UNC5C: variants seen among roughly 807,000 people sequenced by gnomAD.
The protein encoded by UNC5C is netrin receptor UNC5C.
In UNC5C, 47 loss-of-function variants were observed where a neutral mutation model predicts 99.8. The observed-to-expected ratio is 0.47, with a 90% CI of 0.37 to 0.60. The LOEUF (loss-of-function observed/expected upper bound fraction) is 0.60, where lower values mean the gene tolerates loss of function less well. UNC5C is among the 20% of genes least tolerant of loss of function. UNC5C has a pLI of 0.00. For missense variants in UNC5C, 1,062 were observed against 1,165.9 expected, an observed-to-expected ratio of 0.91 and a Z score of 1.30; for synonymous variants, 487 against 452.2, an observed-to-expected ratio of 1.08 and a Z score of -0.98.
At chr4:95,178,444 T>TTTTA (rs1169665502) in intron 14 of UNC5C, among the ~76,000 whole-genome samples, 2 of 117,396 alleles carry the variant, frequency 1.7e-5, no homozygotes, top group Non-Finnish European at 3.5e-5. Context: ...GGTTACTGCC[T>TTTTA]TTTATTTCTC....
rs1736376145 is a variant in UNC5C, at chr4:95,176,886, T to G, written c.2451+6011A>C. On this transcript the variant is annotated intron_variant, in intron 14 of 15. Coordinates refer to ENST00000453304, the MANE Select transcript of UNC5C (RefSeq NM_003728.4). ...TGATCTCAGACTGCTGTGCTAGCAA[T>G]CAGCGAGACTCTGTGGGCGTAGGAC... 4.6e-5 allele frequency among the ~76,000 whole-genome samples: 7 copies of G among 152,210 alleles called. No individual in the cohort carries two copies. The South Asian group carries it at 1.4e-3, about 31-fold the overall frequency.
chr4:95,284,573 AAG>A (rs1741168289), intron 3 of UNC5C, among the ~76,000 whole-genome samples: 1 of 152,192 alleles, frequency 6.6e-6, no homozygotes, highest in African/African-American at 2.4e-5. Flanking sequence ...AGGTGTGAGT[AAG>A]AGTTAGAAAC....
chr4:95,320,680 A>T (rs1742656238), intron 2 of UNC5C, among the ~76,000 whole-genome samples: 1 of 152,178 alleles, frequency 6.6e-6, no homozygotes, highest in Non-Finnish European at 1.5e-5. Context: ...TGTTATCTGG[A>T]TGAAGAACGG....
At chr4:95,267,022 T>C (rs1740472474) in intron 4 of UNC5C, among the ~76,000 whole-genome samples, 1 of 152,202 alleles carries the variant, frequency 6.6e-6, no homozygotes, top group African/African-American at 2.4e-5. Context: ...TTAGAGTGTA[T>C]ATAATGGGAC....
intron 1 of UNC5C, among the ~76,000 whole-genome samples, chr4:95,460,084 G>A (rs1477129893): frequency 6.6e-6 from 1 of 151,868 alleles, no homozygotes; most frequent in African/African-American, 2.4e-5. Context: ...GAAGAAAACA[G>A]CACTTTTAAA....
Position 95,244,994 on chromosome 4 carries a change from C to A in UNC5C, c.926G>T (p.Cys309Phe), listed in dbSNP as rs1263096561. Residue 309 changes from cysteine to phenylalanine, a missense_variant, in exon 6 of 16, where the codon TGT becomes TTT. Transcript: ENST00000453304. ...TTATTTACCTGGGCATAACGTAGTA[C>A]AGGCTATTTTCTGCACACTCTGCCC... ...CEGQSVQKIA[C>F]TTLCPVDGRW... The A allele has an allele frequency of 6.2e-7, 1 of 1,613,870 alleles. No homozygotes were observed. Among genetic ancestry groups the A allele is most frequent in the South Asian group, 1.1e-5 (1 of 91,024 alleles).
At chr4:95,264,693 C>G (rs559353813) in intron 4 of UNC5C, among the ~76,000 whole-genome samples, 6 of 152,248 alleles carry the variant, frequency 3.9e-5, no homozygotes, top group African/African-American at 1.2e-4. Flanking sequence ...TGCTCATTCA[C>G]TCTTCCATTT....
chr4:95,191,656 T>C (rs1737100274), intron 12 of UNC5C, among the ~76,000 whole-genome samples: 1 of 147,784 alleles, frequency 6.8e-6, no homozygotes, highest in Non-Finnish European at 1.5e-5. Context: ...GCTCCTCTGT[T>C]CGCCGCCTCC....
chr4:95,470,249 CA>C (rs1747925591), intron 1 of UNC5C, among the ~76,000 whole-genome samples: 1 of 151,968 alleles, frequency 6.6e-6, no homozygotes, highest in Non-Finnish European at 1.5e-5. Flanking sequence ...CAATGTTTTC[CA>C]AATTGCTACA....
intron 1 of UNC5C, among the ~76,000 whole-genome samples, chr4:95,520,315 A>G (rs1036305265): frequency 1.5e-4 from 23 of 152,208 alleles, no homozygotes; most frequent in Admixed American, 7.9e-4. Flanking sequence ...TTCAAATATA[A>G]GTCAAGAGTA....
At chr4:95,413,167 C>G (rs919104004) in intron 1 of UNC5C, among the ~76,000 whole-genome samples, 1 of 152,174 alleles carries the variant, frequency 6.6e-6, no homozygotes, top group African/African-American at 2.4e-5. Context: ...TCCTGATTTA[C>G]AGCTTTCCTT....
chr4:95,448,457 G>A (rs978883457), intron 1 of UNC5C, among the ~76,000 whole-genome samples: 1 of 152,078 alleles, frequency 6.6e-6, no homozygotes, highest in African/African-American at 2.4e-5. Context: ...TGGGATTATT[G>A]TGAGGATCAA....
chr4:95,260,056 T>C (rs1176212171), intron 4 of UNC5C, among the ~76,000 whole-genome samples: 1 of 152,104 alleles, frequency 6.6e-6, no homozygotes, highest in Non-Finnish European at 1.5e-5. Flanking sequence ...CCTACCACCC[T>C]GAAAGTACAC....
intron 2 of UNC5C, among the ~76,000 whole-genome samples, chr4:95,309,895 A>T (rs1215236130): frequency 2.0e-5 from 3 of 152,338 alleles, no homozygotes; most frequent in South Asian, 4.1e-4. Flanking sequence ...ACAAAACAGA[A>T]ATAAAACTAC....
intron 1 of UNC5C, among the ~76,000 whole-genome samples, chr4:95,452,429 C>T (rs1747303746): frequency 6.6e-6 from 1 of 152,094 alleles, no homozygotes; most frequent in Non-Finnish European, 1.5e-5. Flanking sequence ...CAGTCTTTCT[C>T]CACCCCAGAC....
rs929901199 is a variant in UNC5C, at chr4:95,203,824, A to C, written c.1903-860T>G. On this transcript the variant is annotated intron_variant, in intron 11 of 15. Transcript: ENST00000453304. ...CATATTGTGTGTGTGTGTGTATGTG[A>C]AAGCAGGATTTTGCTGCAAAAAGGT... is the stretch of plus-strand genomic sequence containing the variant. Among the ~76,000 whole-genome samples the C allele has an allele frequency of 2.4e-4, 36 of 152,294 alleles. 1 individual carries two copies. Among genetic ancestry groups the C allele is most frequent in the Admixed American group, 1.8e-3 (28 of 15,294 alleles).
At chr4:95,253,091 A>G (rs1337413625) in intron 4 of UNC5C, among the ~76,000 whole-genome samples, 1 of 152,118 alleles carries the variant, frequency 6.6e-6, no homozygotes, top group Non-Finnish European at 1.5e-5. Flanking sequence ...TATAAGGAAC[A>G]TTCAACCTGT....
At chr4:95,438,135 T>C (rs548303495) in intron 1 of UNC5C, among the ~76,000 whole-genome samples, 2 of 152,152 alleles carry the variant, frequency 1.3e-5, no homozygotes, top group East Asian at 1.9e-4. Context: ...AACTAAAAAT[T>C]TGTTGTTTGC....
At chr4:95,507,679 T>C (rs1005312063) in intron 1 of UNC5C, among the ~76,000 whole-genome samples, 1 of 152,022 alleles carries the variant, frequency 6.6e-6, no homozygotes, top group African/African-American at 2.4e-5. Context: ...TCCAAGTCTC[T>C]ATGTATAGCC....
Sources: gnomAD v4.1 joint callset for allele counts (sites outside exome capture counted in the v4.1 genomes callset) on GRCh38, gnomAD v4.1.1 for gene constraint, MANE v1.5 for transcripts, NCBI Gene and HGNC (gene_info 2026-07-23, HGNC 2026-07-21) for gene names.